SH3GL1: variants seen among roughly 807,000 people sequenced by gnomAD.
SH3GL1 encodes SH3 domain containing GRB2 like 1, endophilin A2.
Under a neutral mutation model 48.8 loss-of-function variants are expected in SH3GL1, and 21 were observed. The observed-to-expected ratio is 0.43, with a 90% CI of 0.30 to 0.62. SH3GL1 has a LOEUF of 0.62. SH3GL1 is among the 20% of genes least tolerant of loss of function. The pLI, the probability that SH3GL1 is intolerant of heterozygous loss-of-function variation, is 0.11. For synonymous variants in SH3GL1, 282 were observed against 217.5 expected (o/e 1.30, Z -2.61); for missense variants, 454 against 503.0 (o/e 0.90, Z 0.93).
At chr19:4,366,440 T>C (rs1272001334) in intron 3 of SH3GL1, 61 bp downstream of exon 3, 30 of 1,341,184 alleles carry the variant, frequency 2.2e-5, no homozygotes, top group Non-Finnish European at 3.1e-5. Flanking sequence ...TCCCCTGCCT[T>C]CCCTCTGACA....
chr19:4,377,710 G>A (rs1037248455), intron 1 of SH3GL1, among the ~76,000 whole-genome samples: 9 of 152,298 alleles, frequency 5.9e-5, no homozygotes, highest in African/African-American at 9.6e-5. Context: ...TGGCTCTGGC[G>A]CATGGGTGCC....
rs1299202049 is a variant in SH3GL1 at position 4,362,637 on chromosome 19, G to A, written c.828C>T (p.Pro276=). The A allele has an allele frequency of 6.2e-7, 1 of 1,613,860 alleles. No individual in the cohort carries two copies. Among genetic ancestry groups the A allele is most frequent in the East Asian group, 2.2e-5 (1 of 44,886 alleles). The change falls in exon 8 of 10, where the codon CCC becomes CCT. Residue 276 remains proline (P), a synonymous_variant. Transcript: ENST00000269886. ...CTGCGATCTTGGGGGCTGTGGTGCA[G>A]GGGAAGCCCCCGTTGGACTGCTCAG... ...GEPEQSNGGF[P]CTTAPKIAAS...
chr19:4,385,728 C>T (rs940827083), intron 1 of SH3GL1, among the ~76,000 whole-genome samples: 3 of 152,280 alleles, frequency 2.0e-5, no homozygotes, highest in Middle Eastern at 3.4e-3. Flanking sequence ...TGTGGGAAGG[C>T]TGGGAGTGGG....
At position 4,398,218 on chromosome 19, in the gene SH3GL1, C is replaced by T. The variant is rs542391018; in HGVS notation, c.45+2106G>A. Among the ~76,000 whole-genome samples, 70 of 152,196 alleles carry T rather than the reference C, an allele frequency of 4.6e-4. 1 individual carries two copies. The South Asian group carries it at 0.013, about 29-fold the overall frequency. On this transcript the variant is annotated intron_variant, in intron 1 of 9. Coordinates refer to ENST00000269886, the MANE Select transcript of SH3GL1 (RefSeq NM_003025.4). ...ACTGGGGACTCGTTTCTCTTTGCTC[C>T]CACTGGGCATCTCCGAACTGTGGGC...
At chr19:4,399,752 A>G (rs1286319824) in intron 1 of SH3GL1, among the ~76,000 whole-genome samples, 2 of 152,206 alleles carry the variant, frequency 1.3e-5, no homozygotes, top group Admixed American at 6.5e-5. Flanking sequence ...ATGCTATCAC[A>G]GGGTACGTGT....
chr19:4,365,384 C>T, intron 4 of SH3GL1, 98 bp downstream of exon 4: 3 of 1,517,086 alleles, frequency 2.0e-6, no homozygotes, highest in Middle Eastern at 2.3e-4. Context: ...ACTGTACGTC[C>T]CCGGCACTCA....
In SH3GL1 at chr19:4,365,638, G is replaced by T. The variant is rs1316328405; in HGVS notation, c.188-13C>A. ...TTAGCCCGCGAGGCTGGGATAGGAT[G>T]GCCAGGTGGGTGTGGGCTGTGAGGC... is the stretch of plus-strand genomic sequence containing the variant. On this transcript the variant is annotated splice_polypyrimidine_tract_variant and intron_variant, in intron 3 of 9. Coordinates refer to ENST00000269886, the MANE Select transcript of SH3GL1 (RefSeq NM_003025.4). The T allele has an allele frequency of 6.2e-7, 1 of 1,613,526 alleles. No individual in the cohort carries two copies. The highest frequency in any genetic ancestry group is 1.1e-5 in the South Asian group (1 of 91,088).
At chr19:4,381,960 C>A (rs1324527148) in intron 1 of SH3GL1, among the ~76,000 whole-genome samples, 2 of 152,020 alleles carry the variant, frequency 1.3e-5, no homozygotes, top group African/African-American at 4.8e-5. Flanking sequence ...TACAGCCACA[C>A]ACGACGTCTT....
chr19:4,362,180 G>T, intron 9 of SH3GL1, 149 bp downstream of exon 9: 1 of 839,098 alleles, frequency 1.2e-6, no homozygotes, highest in Non-Finnish European at 2.0e-6. Flanking sequence ...GTGGCATCTT[G>T]CAGGCTGTGG....
chr19:4,373,426 G>A (rs1304600338), intron 1 of SH3GL1, among the ~76,000 whole-genome samples: 1 of 152,218 alleles, frequency 6.6e-6, no homozygotes. Context: ...TGTCCATCAA[G>A]GCTGAATGGT....
rs377319224 is a variant in SH3GL1 at position 4,370,426 on chromosome 19, C to T, written c.46-3432G>A. Among the ~76,000 whole-genome samples, 13 of 152,326 alleles carry T rather than the reference C, an allele frequency of 8.5e-5. No homozygotes were observed. The East Asian group carries it at 1.2e-3, about 14-fold the overall frequency. On this transcript the variant is annotated intron_variant, in intron 1 of 9. Transcript: ENST00000269886. ...AGGAAACGGAGGAAAATAATGGGGC[C>T]ACTCAGTAGCCAGGGACCCAACAGG...
intron 1 of SH3GL1, among the ~76,000 whole-genome samples, chr19:4,368,719 C>T (rs1429122644): frequency 1.3e-5 from 2 of 152,200 alleles, no homozygotes; most frequent in Admixed American, 6.5e-5. Flanking sequence ...CTGTCCCTTT[C>T]CTGCCTGTGG....
intron 4 of SH3GL1, among the ~76,000 whole-genome samples, chr19:4,364,890 G>A (rs1432814855): frequency 1.7e-3 from 178 of 102,878 alleles, no homozygotes; most frequent in African/African-American, 7.0e-3. Context: ...GTGTGTGTGT[G>A]TGTGTGTGTA....
chr19:4,367,536 C>T lies in SH3GL1; in HGVS notation c.46-542G>A, dbSNP rs887135256. ...CGCCATTCTCCTGTGCTCTGGTGCC[C>T]GTGTCTGCAGGATGGGACAGCCCAG... On this transcript the variant is annotated intron_variant, in intron 1 of 9. Transcript: ENST00000269886. This position sits in a 1 kb window ranked among gnomAD's most constrained non-coding sequence, Gnocchi z 4.2. Among the ~76,000 whole-genome samples, 1 of 152,078 alleles carries T rather than the reference C, an allele frequency of 6.6e-6. No individual in the cohort carries two copies. Among genetic ancestry groups the T allele is most frequent in the African/African-American group, 2.4e-5 (1 of 41,386 alleles).
Position 4,363,398 on chromosome 19 carries a change from C to T in SH3GL1, c.700G>A (p.Asp234Asn). Reference sequence around the variant, plus strand: ...CGCTTGAGCTTCTCCGCCAGCTCGTCCAGGATCTGCACGGCCTGCCGGTGG... The same window carrying T: ...CGCTTGAGCTTCTCCGCCAGCTCGTTCAGGATCTGCACGGCCTGCCGGTGG... ...DYHRQAVQIL[D>N]ELAEKLKRRM... is the part of the protein sequence containing the mutation. Residue 234 changes from aspartate (D) to asparagine (N), a missense_variant, in exon 7 of 10, where the codon GAC (aspartate) becomes AAC (asparagine). This residue lies in a region of SH3GL1 where 278 missense variants were observed against 246.8 expected (regional missense o/e 1.13). Transcript: ENST00000269886. The T allele has an allele frequency of 6.2e-7, 1 of 1,610,546 alleles. No individual in the cohort carries two copies. The highest frequency in any genetic ancestry group is 2.2e-5 in the East Asian group (1 of 44,700).
At chr19:4,399,015 G>C (rs1973471830) in intron 1 of SH3GL1, among the ~76,000 whole-genome samples, 1 of 152,112 alleles carries the variant, frequency 6.6e-6, no homozygotes, top group Non-Finnish European at 1.5e-5. Context: ...GAAATACAAT[G>C]TACCCATTAA....
At chr19:4,362,777 G>C in intron 7 of SH3GL1, 41 bp from the exon 8 acceptor site, 15 of 1,612,058 alleles carry the variant, frequency 9.3e-6, no homozygotes, top group Non-Finnish European at 1.3e-5. Flanking sequence ...CCCGTGTCAC[G>C]GCCGAGGCAG....
intron 1 of SH3GL1, among the ~76,000 whole-genome samples, chr19:4,399,443 G>A (rs978512059): frequency 1.3e-5 from 2 of 151,930 alleles, no homozygotes; most frequent in African/African-American, 2.4e-5. Context: ...GAGGCAAGGA[G>A]GGAGGGAGGA....
In SH3GL1 at chr19:4,362,317, G is replaced by A. The variant is rs373023605; in HGVS notation, c.910+12C>T. 8.7e-5 allele frequency: 140 copies of A among 1,610,002 alleles called. 1 individual carries two copies. In the African/African-American group the frequency reaches 1.5e-3, roughly 17 times the overall value. ...GCAGCACTGAGGTCGAGGCGGGCCT[G>A]GGAACACTCACGCATGCTCCGGCTA... is the stretch of plus-strand genomic sequence containing the variant. On this transcript the variant is annotated intron_variant, in intron 9 of 9. Transcript: ENST00000269886.
Sources: allele counts gnomAD v4.1 joint callset (sites outside exome capture counted in the v4.1 genomes callset), GRCh38; gene constraint gnomAD v4.1.1; regional missense constraint gnomAD v4.1.1; non-coding constraint Gnocchi (gnomAD v3.1); transcripts MANE v1.5; gene names NCBI Gene and HGNC (gene_info 2026-07-23, HGNC 2026-07-21).